ZC3H12B: variants seen among roughly 807,000 people sequenced by gnomAD.
The protein encoded by ZC3H12B is zinc finger CCCH-type containing 12B.
ZC3H12B carries 7 observed loss-of-function variants against 43.9 expected under a neutral mutation model. The observed-to-expected ratio is 0.16, with a 90% CI of 0.09 to 0.30. ZC3H12B has a LOEUF of 0.30. Among genes scored for constraint, ZC3H12B ranks in the 10% least tolerant of loss-of-function variants. The pLI, the probability that ZC3H12B is intolerant of heterozygous loss-of-function variation, is 1.00. For missense variants in ZC3H12B, 475 were observed against 670.2 expected, an observed-to-expected ratio of 0.71 and a Z score of 3.22; for synonymous variants, 222 against 241.7, an observed-to-expected ratio of 0.92 and a Z score of 0.76.
At chrX:65,418,078 T>A (rs894600174) in intron 3 of ZC3H12B, among the ~76,000 whole-genome samples, 1 of 112,159 alleles carries the variant, frequency 8.9e-6, no homozygotes, top group Non-Finnish European at 1.9e-5. Context: ...GCTAAGTATA[T>A]AATTATGAAG....
chrX:65,315,886 A>G, the ZC3H12B span, among the ~76,000 whole-genome samples: 32 of 111,892 alleles, frequency 2.9e-4, no homozygotes, highest in Non-Finnish European at 2.6e-4. Flanking sequence ...CACATCCAGT[A>G]AAAAGTCAAA....
chrX:65,073,500 A>T, the ZC3H12B span, among the ~76,000 whole-genome samples: 6 of 112,143 alleles, frequency 5.4e-5, no homozygotes, highest in African/African-American at 1.6e-4. Context: ...GGGTGTTCAG[A>T]TTGGACTGGT....
chrX:65,270,509 T>A, the ZC3H12B span, among the ~76,000 whole-genome samples: 1 of 111,499 alleles, frequency 9.0e-6, no homozygotes, highest in Non-Finnish European at 1.9e-5. Context: ...AAGCTCAGAC[T>A]TCTGGTGCAA....
chrX:65,333,945 C>T, the ZC3H12B span, among the ~76,000 whole-genome samples: 2 of 111,703 alleles, frequency 1.8e-5, no homozygotes, highest in East Asian at 2.8e-4. Context: ...ATTAGGAACA[C>T]ATACCAATAT....
At chrX:65,212,732 AAT>A in the ZC3H12B span, among the ~76,000 whole-genome samples, 2 of 93,340 alleles carry the variant, frequency 2.1e-5, no homozygotes, top group African/African-American at 7.8e-5. Flanking sequence ...ATCATATATA[AAT>A]ATATATATAT....
chrX:65,228,286 C>T, the ZC3H12B span, among the ~76,000 whole-genome samples: 2 of 111,631 alleles, frequency 1.8e-5, no homozygotes, highest in Non-Finnish European at 3.8e-5. Context: ...CAAAAACCAC[C>T]TGGTTATCTC....
At chrX:65,212,693 AATAT>A in the ZC3H12B span, among the ~76,000 whole-genome samples, 15 of 90,420 alleles carry the variant, frequency 1.7e-4, no homozygotes, top group Non-Finnish European at 2.1e-4. Flanking sequence ...ATCATATATA[AATAT>A]ATATGATTTA....
At chrX:65,371,003 CT>C (rs1223344912) in intron 2 of ZC3H12B, among the ~76,000 whole-genome samples, 16 of 111,811 alleles carry the variant, frequency 1.4e-4, no homozygotes, top group African/African-American at 4.9e-4. Context: ...TCACTGTCCC[CT>C]TTTATACAGT....
the ZC3H12B span, among the ~76,000 whole-genome samples, chrX:65,124,171 C>T: frequency 9.1e-6 from 1 of 110,432 alleles, no homozygotes; most frequent in Non-Finnish European, 1.9e-5. Flanking sequence ...CCATGCTATG[C>T]CAATTTTGCT....
the ZC3H12B span, among the ~76,000 whole-genome samples, chrX:65,285,232 C>T: frequency 2.7e-5 from 3 of 109,862 alleles, no homozygotes; most frequent in Non-Finnish European, 5.7e-5. Flanking sequence ...GAGTAATGTA[C>T]ACAGTACCTA....
the ZC3H12B span, among the ~76,000 whole-genome samples, chrX:65,225,986 C>T: frequency 9.0e-6 from 1 of 111,639 alleles, no homozygotes; most frequent in Non-Finnish European, 1.9e-5. Context: ...CCCAATCTAG[C>T]AAGGAAGGCC....
chrX:65,090,935 C>T, the ZC3H12B span, among the ~76,000 whole-genome samples: 5 of 111,074 alleles, frequency 4.5e-5, no homozygotes, highest in South Asian at 3.9e-4. Context: ...CATCCCCCTG[C>T]GTCTCTCTCT....
chrX:65,309,031 A>G, the ZC3H12B span, among the ~76,000 whole-genome samples: 1 of 111,750 alleles, frequency 8.9e-6, no homozygotes, highest in Non-Finnish European at 1.9e-5. Context: ...CCACAAGAGA[A>G]AGCAGGAAAG....
chrX:65,464,196 C>T (rs1299247206), intron 3 of ZC3H12B, among the ~76,000 whole-genome samples: 1 of 112,259 alleles, frequency 8.9e-6, no homozygotes, highest in African/African-American at 3.2e-5. Flanking sequence ...AAAGCATTTT[C>T]ATACCTATTT....
chrX:65,342,573 C>A, the ZC3H12B span, among the ~76,000 whole-genome samples: 1 of 111,342 alleles, frequency 9.0e-6, no homozygotes, highest in Non-Finnish European at 1.9e-5. Flanking sequence ...GAGTAAATAA[C>A]AAAAGGCAGA....
the ZC3H12B span, among the ~76,000 whole-genome samples, chrX:65,105,843 G>C: frequency 9.0e-6 from 1 of 111,170 alleles, no homozygotes; most frequent in African/African-American, 3.3e-5. Context: ...TGCCTAAAGG[G>C]TTGCCAGAGA....
At chrX:65,242,992 G>T in the ZC3H12B span, among the ~76,000 whole-genome samples, 1 of 111,959 alleles carries the variant, frequency 8.9e-6, no homozygotes, top group African/African-American at 3.2e-5. Context: ...ATGGATAAAA[G>T]ACTTAAATGT....
the ZC3H12B span, among the ~76,000 whole-genome samples, chrX:65,267,441 T>G: frequency 9.2e-6 from 1 of 109,051 alleles, no homozygotes; most frequent in Non-Finnish European, 1.9e-5. Flanking sequence ...ATGCAAAAAT[T>G]TCAGGTTTCA....
intron 3 of ZC3H12B, among the ~76,000 whole-genome samples, chrX:65,468,660 T>C (rs1180498277): frequency 9.8e-6 from 1 of 101,984 alleles, no homozygotes; most frequent in African/African-American, 3.7e-5. Context: ...ATTTTTTTTT[T>C]TTTTTTTTTT....
Sources: allele counts gnomAD v4.1 joint callset (sites outside exome capture counted in the v4.1 genomes callset), GRCh38; gene constraint gnomAD v4.1.1; transcripts MANE v1.5; gene names NCBI Gene and HGNC (gene_info 2026-07-23, HGNC 2026-07-21).